Variants in ZNF565 observed in about 807,000 individuals in gnomAD.
ZNF565 encodes zinc finger protein 565.
In ZNF565, 27 loss-of-function variants were observed where a neutral mutation model predicts 39.4. That is an observed-to-expected ratio of 0.69 (90% CI 0.51 to 0.95). ZNF565 has a LOEUF of 0.95. Among genes scored for constraint, ZNF565 ranks in the 40% least tolerant of loss-of-function variants. The pLI, the probability that ZNF565 is intolerant of heterozygous loss-of-function variation, is 0.00. For missense variants in ZNF565, 524 were observed against 621.1 expected (o/e 0.84, Z 1.66); for synonymous variants, 185 against 216.6 (o/e 0.85, Z 1.28).
rs138069317 is a variant in ZNF565 at position 36,204,716 on chromosome 19, G to A, written c.-65-2666C>T. Among the ~76,000 whole-genome samples, 578 of 152,214 alleles carry A rather than the reference G, an allele frequency of 3.8e-3. 4 individuals carry two copies. The highest frequency in any genetic ancestry group is 0.013 in the African/African-American group (532 of 41,560). ...GAAAATGAAGGTGTATAGGCCAGGTGTGGTGGCTCACGCCTGTCATCCCAC... is the reference window on the plus strand; with the variant it reads ...GAAAATGAAGGTGTATAGGCCAGGTATGGTGGCTCACGCCTGTCATCCCAC... On this transcript the variant is annotated intron_variant, in intron 1 of 4. Transcript: ENST00000304116.
intron 1 of ZNF565, among the ~76,000 whole-genome samples, chr19:36,231,982 C>G (rs570414557): frequency 1.5e-4 from 22 of 151,692 alleles, no homozygotes; most frequent in Non-Finnish European, 7.4e-5. Flanking sequence ...GCAGGCAGAT[C>G]ACCTGAGGTC....
intron 1 of ZNF565, chr19:36,238,674 T>C (rs1269653379): frequency 6.0e-6 from 1 of 167,104 alleles, no homozygotes; most frequent in Non-Finnish European, 1.5e-5. Flanking sequence ...TTATAGAAAA[T>C]ATTTCTAAAA....
At chr19:36,210,150 G>A (rs1976298416) in intron 1 of ZNF565, among the ~76,000 whole-genome samples, 1 of 151,754 alleles carries the variant, frequency 6.6e-6, no homozygotes, top group Admixed American at 6.6e-5. Context: ...GCCAGGTGTG[G>A]TGGCTTATGC....
At chr19:36,221,478 C>T (rs1038020203) in intron 1 of ZNF565, among the ~76,000 whole-genome samples, 12 of 151,768 alleles carry the variant, frequency 7.9e-5, no homozygotes, top group Non-Finnish European at 1.0e-4. Flanking sequence ...TTAGTAGAGA[C>T]GAGGTTTCAC....
chr19:36,240,609 C>T (rs541996887), intron 1 of ZNF565, among the ~76,000 whole-genome samples: 1 of 152,302 alleles, frequency 6.6e-6, no homozygotes, highest in South Asian at 2.1e-4. Context: ...TGGCTCACAC[C>T]TGTAATCTCA....
chr19:36,236,377 C>A (rs1334765396), intron 1 of ZNF565: 3 of 1,525,368 alleles, frequency 2.0e-6, no homozygotes, highest in Middle Eastern at 1.8e-4. Flanking sequence ...AAAAGTAAAT[C>A]CTCACTCATC....
chr19:36,224,313 C>T (rs758069260), intron 1 of ZNF565, among the ~76,000 whole-genome samples: 1 of 152,104 alleles, frequency 6.6e-6, no homozygotes, highest in Non-Finnish European at 1.5e-5. Flanking sequence ...CATAGGAGGG[C>T]GGAGGTTGCA....
chr19:36,212,123 G>A (rs142274430), intron 1 of ZNF565, among the ~76,000 whole-genome samples: 256 of 152,232 alleles, frequency 1.7e-3, no homozygotes, highest in African/African-American at 5.9e-3. Flanking sequence ...ATGATGCGCC[G>A]AGAAGGGTAC....
chr19:36,243,034 TTTG>T (rs1977825654), intron 1 of ZNF565, among the ~76,000 whole-genome samples: 1 of 151,978 alleles, frequency 6.6e-6, no homozygotes, highest in Non-Finnish European at 1.5e-5. Flanking sequence ...TTTTGGTCTT[TTTG>T]TTTGTTTGTT....
At chr19:36,215,136 A>G (rs955149819), upstream of ZNF565, 2 of 152,144 alleles carry the variant, frequency 1.3e-5, no homozygotes, top group South Asian at 4.1e-4. Context: ...CCGAGTGGAC[A>G]TTTTGGTCTT....
chr19:36,207,946 G>C (rs1363813018), intron 1 of ZNF565, among the ~76,000 whole-genome samples: 2 of 152,164 alleles, frequency 1.3e-5, no homozygotes, highest in African/African-American at 2.4e-5. Context: ...ATGTGACTCT[G>C]TAAGCCACTG....
intron 1 of ZNF565, among the ~76,000 whole-genome samples, chr19:36,229,256 G>A (rs1344995842): frequency 1.3e-5 from 2 of 152,088 alleles, no homozygotes; most frequent in African/African-American, 2.4e-5. Flanking sequence ...CACACTTCCC[G>A]TTGTCTTCTC....
intron 1 of ZNF565, among the ~76,000 whole-genome samples, chr19:36,205,456 A>T (rs1476133791): frequency 6.6e-6 from 1 of 152,082 alleles, no homozygotes; most frequent in Non-Finnish European, 1.5e-5. Context: ...TGAACTCAGG[A>T]GGCAGAGGTT....
At chr19:36,208,409 A>T (rs1046698585) in intron 1 of ZNF565, among the ~76,000 whole-genome samples, 4 of 152,066 alleles carry the variant, frequency 2.6e-5, no homozygotes, top group African/African-American at 9.7e-5. Context: ...TATGTTGCCC[A>T]GTCTGGTCTT....
In ZNF565 at chr19:36,192,277, G is replaced by A. The variant is rs570138554; in HGVS notation, c.232+1956C>T. On this transcript the variant is annotated intron_variant, in intron 4 of 4. Coordinates refer to ENST00000304116, the MANE Select transcript of ZNF565 (RefSeq NM_152477.5). ...GTGAACAGCACCTATCTTACCAAGT[G>A]ATCAAACTGAACAGCACCAGTAATA... 7.9e-5 allele frequency among the ~76,000 whole-genome samples: 12 copies of A among 152,190 alleles called. No homozygotes were observed. In the South Asian group the frequency reaches 8.3e-4, roughly 11 times the overall value.
At chr19:36,236,259 A>G in intron 1 of ZNF565, 1 of 692,962 alleles carries the variant, frequency 1.4e-6, no homozygotes, top group South Asian at 2.5e-5. Flanking sequence ...CATTGAATAT[A>G]CTGAGTATGA....
intron 1 of ZNF565, among the ~76,000 whole-genome samples, chr19:36,211,451 A>T (rs112546950): frequency 0.034 from 3,036 of 89,632 alleles, 82 homozygotes; most frequent in African/African-American, 0.1. Context: ...ACTCTCTCTC[A>T]CACACACACA....
intron 1 of ZNF565, among the ~76,000 whole-genome samples, chr19:36,223,874 G>A (rs1976966800): frequency 6.6e-6 from 1 of 151,830 alleles, no homozygotes; most frequent in Admixed American, 6.6e-5. Flanking sequence ...GTAGAGATAA[G>A]ATCTCCCTGT....
chr19:36,187,367 C>CTT (rs568132975), intron 4 of ZNF565, among the ~76,000 whole-genome samples: 2 of 148,592 alleles, frequency 1.3e-5, no homozygotes, highest in Non-Finnish European at 1.5e-5. Flanking sequence ...GACAGAGTCT[C>CTT]TTTTTTTTTT....
Sources: allele counts gnomAD v4.1 joint callset (sites outside exome capture counted in the v4.1 genomes callset), GRCh38; gene constraint gnomAD v4.1.1; transcripts MANE v1.5; gene names NCBI Gene and HGNC (gene_info 2026-07-23, HGNC 2026-07-21).